Variants in KDM1B observed in about 807,000 individuals in gnomAD.
The protein encoded by KDM1B is lysine-specific histone demethylase 2.
In KDM1B, 63 loss-of-function variants were observed where a neutral mutation model predicts 107.4. The observed-to-expected ratio is 0.59, with a 90% CI of 0.48 to 0.72. KDM1B has a LOEUF of 0.72. Among genes scored for constraint, KDM1B ranks in the 30% least tolerant of loss-of-function variants. The pLI, the probability that KDM1B is intolerant of heterozygous loss-of-function variation, is 0.00. For synonymous variants in KDM1B, 363 were observed against 363.9 expected (o/e 1.00, Z 0.03); for missense variants, 749 against 1,020.8 (o/e 0.73, Z 3.63).
At position 18,213,436 on chromosome 6, in the gene KDM1B, CAAAA is replaced by C. The variant is rs377185197; in HGVS notation, c.1984-209_1984-206del. 2.0e-5 allele frequency among the ~76,000 whole-genome samples: 2 copies of C among 98,722 alleles called. No homozygotes were observed. The highest frequency in any genetic ancestry group is 1.1e-4 in the Admixed American group (1 of 8,784). The allele number at this position is 98,722 out of a possible 152,430, so 64.8% of individuals were successfully genotyped here. ...GGGCAACAAGAGCGAAACTCCGTCTCAAAAAAAAAAAAAACCCAAAAAACAAAAC... is the reference window on the plus strand; with the variant it reads ...GGGCAACAAGAGCGAAACTCCGTCTCAAAAAAAAAACCCAAAAAACAAAAC... On this transcript the variant is annotated intron_variant, in intron 18 of 21. Coordinates refer to ENST00000650836, the MANE Select transcript of KDM1B (RefSeq NM_001364614.2). The surrounding 1 kb of genome is among the most constrained non-coding windows in gnomAD (Gnocchi z 5.9).
Position 18,204,042 on chromosome 6 carries a change from A to G in KDM1B, c.1532-1495A>G, listed in dbSNP as rs1461935728. Among the ~76,000 whole-genome samples the G allele has an allele frequency of 6.6e-6, 1 of 152,162 alleles. No individual in the cohort carries two copies. Among genetic ancestry groups the G allele is most frequent in the Non-Finnish European group, 1.5e-5 (1 of 68,032 alleles). On this transcript the variant is annotated intron_variant, in intron 14 of 21. Transcript: ENST00000650836. The surrounding 1 kb of genome is among the most constrained non-coding windows in gnomAD (Gnocchi z 4.9). ...CACAAAGCCCAGGGGTCTAGGAGCAACAAAGACAGGCACAAATCTGGAGGC... is the reference window on the plus strand; with the variant it reads ...CACAAAGCCCAGGGGTCTAGGAGCAGCAAAGACAGGCACAAATCTGGAGGC...
Position 18,159,790 on chromosome 6 carries a change from A to G in KDM1B, c.-13-93A>G. ...TTTGTATTTAGGCAATCTGACATAC[A>G]TTCTTACCTACCAAAGTGTATAATA... On this transcript the variant is annotated intron_variant, in intron 2 of 21. Coordinates refer to ENST00000650836, the MANE Select transcript of KDM1B (RefSeq NM_001364614.2). This position sits in a 1 kb window ranked among gnomAD's most constrained non-coding sequence, Gnocchi z 4.5. 1.5e-6 allele frequency: 1 copy of G among 680,610 alleles called. No homozygotes were observed. 42.2% of individuals were successfully genotyped at this position (680,610 alleles called of 1,614,324 possible).
chr6:18,207,763 A>G (rs1788489936), intron 16 of KDM1B, among the ~76,000 whole-genome samples: 1 of 152,220 alleles, frequency 6.6e-6, no homozygotes, highest in Non-Finnish European at 1.5e-5. Flanking sequence ...AAGGTATTCA[A>G]ATTGCTTCGC....
At position 18,175,266 on chromosome 6, in the gene KDM1B, G is replaced by T. The variant is rs558338513; in HGVS notation, c.534+3787G>T. ...ATGTTGAGCATTTTTTCATATGTTT[G>T]TTGGCCATTTATATATCTACTTTGA... is the stretch of plus-strand genomic sequence containing the variant. On this transcript the variant is annotated intron_variant, in intron 7 of 21. Transcript: ENST00000650836. 1.7e-3 allele frequency among the ~76,000 whole-genome samples: 254 copies of T among 152,236 alleles called. 1 individual carries two copies. The highest frequency in any genetic ancestry group is 5.5e-3 in the African/African-American group (227 of 41,550).
intron 3 of KDM1B, among the ~76,000 whole-genome samples, chr6:18,160,292 G>A (rs1784887967): frequency 6.6e-6 from 1 of 152,172 alleles, no homozygotes. Context: ...TGGCTTGGAT[G>A]TCATTCATAG....
In KDM1B at chr6:18,173,824, T is replaced by C. The variant is rs939709737; in HGVS notation, c.534+2345T>C. Among the ~76,000 whole-genome samples the C allele has an allele frequency of 3.1e-4, 47 of 152,154 alleles. 1 individual carries two copies. The highest frequency in any genetic ancestry group is 8.8e-5 in the Non-Finnish European group (6 of 68,026). On this transcript the variant is annotated intron_variant, in intron 7 of 21. Coordinates refer to ENST00000650836, the MANE Select transcript of KDM1B (RefSeq NM_001364614.2). Reference sequence around the variant, plus strand: ...TATTTTAGATGGAGTCTTGCTCTGTTGCCCAGGCTGGAGTGCAGTGGCTCG... The same window carrying C: ...TATTTTAGATGGAGTCTTGCTCTGTCGCCCAGGCTGGAGTGCAGTGGCTCG...
At chr6:18,188,483 A>G (rs1442239121) in intron 9 of KDM1B, among the ~76,000 whole-genome samples, 1 of 152,218 alleles carries the variant, frequency 6.6e-6, no homozygotes, top group Non-Finnish European at 1.5e-5. Flanking sequence ...AAAGGTTTTC[A>G]ACTATATGAG....
At chr6:18,187,363 C>T (rs758724104) in intron 8 of KDM1B, among the ~76,000 whole-genome samples, 58 of 152,064 alleles carry the variant, frequency 3.8e-4, no homozygotes, top group Non-Finnish European at 4.1e-4. Context: ...TTTTTATGCC[C>T]AGTTTCCCAA....
rs1787939658 is a variant in KDM1B at position 18,200,152 on chromosome 6, G to A, written c.1222-287G>A. On this transcript the variant is annotated intron_variant, in intron 12 of 21. Coordinates refer to ENST00000650836, the MANE Select transcript of KDM1B (RefSeq NM_001364614.2). The surrounding 1 kb of genome is among the most constrained non-coding windows in gnomAD (Gnocchi z 4.3). ...GCCTCCCAAAGTGCTGGTATTACAG[G>A]CATGAGCTATCGCATCTGGCCTAGT... Among the ~76,000 whole-genome samples, 1 of 152,198 alleles carries A rather than the reference G, an allele frequency of 6.6e-6. No individual in the cohort carries two copies. The highest frequency in any genetic ancestry group is 2.4e-5 in the African/African-American group (1 of 41,454).
At chr6:18,179,635 T>C (rs1169933495) in intron 7 of KDM1B, among the ~76,000 whole-genome samples, 3 of 152,124 alleles carry the variant, frequency 2.0e-5, no homozygotes, top group Non-Finnish European at 4.4e-5. Context: ...GTCTTTTTCA[T>C]CTATGTTGTC....
intron 7 of KDM1B, among the ~76,000 whole-genome samples, chr6:18,180,353 T>G (rs58897247): frequency 0.13 from 20,246 of 152,026 alleles, 1,422 homozygotes; most frequent in South Asian, 0.19. Flanking sequence ...CAATGAAAAG[T>G]TGACTCAGTG....
Position 18,200,302 on chromosome 6 carries a change from A to T in KDM1B, c.1222-137A>T. The stretch of plus-strand genomic sequence containing the variant: ...CTTCTCTTCACACTGCCTGCTTTTT[A>T]AAGTTGTTTTTTTAGAAATATTTGG... On this transcript the variant is annotated intron_variant, in intron 12 of 21. Transcript: ENST00000650836. The surrounding 1 kb of genome is among the most constrained non-coding windows in gnomAD (Gnocchi z 4.3). The T allele has an allele frequency of 2.2e-6, 2 of 902,924 alleles. No homozygotes were observed. The highest frequency in any genetic ancestry group is 3.3e-6 in the Non-Finnish European group (2 of 604,346). The allele number at this position is 902,924 out of a possible 1,614,324, so 55.9% of individuals were successfully genotyped here.
At chr6:18,156,237 G>T (rs531743475) in intron 2 of KDM1B, among the ~76,000 whole-genome samples, 1 of 152,226 alleles carries the variant, frequency 6.6e-6, no homozygotes, top group Non-Finnish European at 1.5e-5. Flanking sequence ...CCTGGAGGAG[G>T]GGTGGCCCGA....
intron 2 of KDM1B, among the ~76,000 whole-genome samples, chr6:18,157,451 C>T (rs1000345132): frequency 2.6e-5 from 4 of 152,128 alleles, no homozygotes; most frequent in Non-Finnish European, 5.9e-5. Flanking sequence ...GATGAAATTT[C>T]AGGAAACTAT....
chr6:18,159,769 T>G lies in KDM1B; in HGVS notation c.-13-114T>G. On this transcript the variant is annotated intron_variant, in intron 2 of 21. Coordinates refer to ENST00000650836, the MANE Select transcript of KDM1B (RefSeq NM_001364614.2). This position sits in a 1 kb window ranked among gnomAD's most constrained non-coding sequence, Gnocchi z 4.5. Reference sequence around the variant, plus strand: ...GAAAAGAAAGAAAACTGTAGCTTTGTATTTAGGCAATCTGACATACATTCT... The same window carrying G: ...GAAAAGAAAGAAAACTGTAGCTTTGGATTTAGGCAATCTGACATACATTCT... The G allele has an allele frequency of 3.1e-6, 2 of 641,272 alleles. No homozygotes were observed. The highest frequency in any genetic ancestry group is 5.4e-6 in the Non-Finnish European group (2 of 368,018). 39.7% of individuals were successfully genotyped at this position (641,272 alleles called of 1,614,324 possible).
chr6:18,200,671 C>A lies in KDM1B; in HGVS notation c.1359+95C>A. 2 of 1,102,160 alleles carry A rather than the reference C, an allele frequency of 1.8e-6. No individual in the cohort carries two copies. Among genetic ancestry groups the A allele is most frequent in the Non-Finnish European group, 2.6e-6 (2 of 784,088 alleles). The allele number at this position is 1,102,160 out of a possible 1,614,324, so 68.3% of individuals were successfully genotyped here. A position where few individuals can be genotyped will look rare whatever the true frequency, so the allele number is the denominator to read the frequency against. On this transcript the variant is annotated intron_variant, in intron 13 of 21. Transcript: ENST00000650836. This position sits in a 1 kb window ranked among gnomAD's most constrained non-coding sequence, Gnocchi z 4.3. ...ATTAATATGCTTCTAAAGTAAATTA[C>A]ATATAACAGCCCCCTCATCTCCTAT...
rs1311671170 is a variant in KDM1B at position 18,204,552 on chromosome 6, A to C, written c.1532-985A>C. Among the ~76,000 whole-genome samples the C allele has an allele frequency of 6.6e-6, 1 of 152,222 alleles. No homozygotes were observed. The highest frequency in any genetic ancestry group is 2.4e-5 in the African/African-American group (1 of 41,468). On this transcript the variant is annotated intron_variant, in intron 14 of 21. Coordinates refer to ENST00000650836, the MANE Select transcript of KDM1B (RefSeq NM_001364614.2). The surrounding 1 kb of genome is among the most constrained non-coding windows in gnomAD (Gnocchi z 4.9). ...ATACATGTTTTGGATGGTTGTCATC[A>C]CTGGAACAGTTGTAAAGAAGTAACC...
In KDM1B at chr6:18,209,629, A is replaced by G. The variant is rs1185788900; in HGVS notation, c.1866+1423A>G. Among the ~76,000 whole-genome samples, 1 of 152,182 alleles carries G rather than the reference A, an allele frequency of 6.6e-6. No homozygotes were observed. The highest frequency in any genetic ancestry group is 2.4e-5 in the African/African-American group (1 of 41,444). ...TTTTTTGTTTGTTTTTTTCAGAGACAGGGTCTCAGTCTGTCGCCCAGGCTG... is the reference window on the plus strand; with the variant it reads ...TTTTTTGTTTGTTTTTTTCAGAGACGGGGTCTCAGTCTGTCGCCCAGGCTG... On this transcript the variant is annotated intron_variant, in intron 17 of 21. Coordinates refer to ENST00000650836, the MANE Select transcript of KDM1B (RefSeq NM_001364614.2). This position sits in a 1 kb window ranked among gnomAD's most constrained non-coding sequence, Gnocchi z 4.3.
chr6:18,212,619 C>T lies in KDM1B; in HGVS notation c.1983+15C>T, dbSNP rs2151023305. On this transcript the variant is annotated intron_variant, in intron 18 of 21. Transcript: ENST00000650836. The surrounding 1 kb of genome is among the most constrained non-coding windows in gnomAD (Gnocchi z 5.2). The stretch of plus-strand genomic sequence containing the variant: ...TCATTGAAAAGGTGACTGAAATGAC[C>T]TCATCCTCAGCAAGAAAGAGATTAA... 6.7e-7 allele frequency: 1 copy of T among 1,497,942 alleles called. No homozygotes were observed. The highest frequency in any genetic ancestry group is 9.3e-7 in the Non-Finnish European group (1 of 1,074,022). The allele number at this position is 1,497,942 out of a possible 1,614,324, so 92.8% of individuals were successfully genotyped here. A position where few individuals can be genotyped will look rare whatever the true frequency, so the allele number is the denominator to read the frequency against.
Sources: allele counts gnomAD v4.1 joint callset (sites outside exome capture counted in the v4.1 genomes callset), GRCh38; gene constraint gnomAD v4.1.1; non-coding constraint Gnocchi (gnomAD v3.1); transcripts MANE v1.5; gene names NCBI Gene and HGNC (gene_info 2026-07-23, HGNC 2026-07-21).